Variants in KLHL13 observed in about 807,000 individuals in gnomAD.
KLHL13 encodes the protein kelch-like protein 13.
In KLHL13, 10 loss-of-function variants were observed where a neutral mutation model predicts 37.1. The ratio of observed to expected loss-of-function variants is 0.27; its 90% CI spans 0.17 to 0.46. The LOEUF (loss-of-function observed/expected upper bound fraction) is 0.46. Among genes scored for constraint, KLHL13 ranks in the 20% least tolerant of loss-of-function variants. The probability of loss-of-function intolerance (pLI) is 1.00; values close to 1 mark genes in which losing one functional copy is unlikely to be tolerated. For missense variants in KLHL13, 360 were observed against 509.3 expected (o/e 0.71, Z 2.82); for synonymous variants, 163 against 181.2 (o/e 0.90, Z 0.81).
intron 1 of KLHL13, among the ~76,000 whole-genome samples, chrX:118,086,463 A>T: frequency 9.0e-6 from 1 of 111,405 alleles, no homozygotes. Flanking sequence ...GAACATACTA[A>T]AAAAAAACAC....
At chrX:118,103,203 A>G (rs1475411787) in intron 1 of KLHL13, among the ~76,000 whole-genome samples, 1 of 111,843 alleles carries the variant, frequency 8.9e-6, no homozygotes, top group East Asian at 2.8e-4. Context: ...GCTTAGTGAT[A>G]AAGAGGAGCT....
At chrX:117,981,359 C>T (rs890578697) in intron 1 of KLHL13, among the ~76,000 whole-genome samples, 1 of 111,837 alleles carries the variant, frequency 8.9e-6, no homozygotes, top group Non-Finnish European at 1.9e-5. Flanking sequence ...CAAAGTAATT[C>T]CATTTTGAAT....
chrX:118,010,769 G>T (rs1271780776), intron 1 of KLHL13, among the ~76,000 whole-genome samples: 1 of 110,773 alleles, frequency 9.0e-6, no homozygotes, highest in Admixed American at 9.6e-5. Context: ...AATGCTAGGG[G>T]AGCCATTAGA....
At chrX:117,999,686 G>A (rs1847443832) in intron 1 of KLHL13, among the ~76,000 whole-genome samples, 1 of 109,138 alleles carries the variant, frequency 9.2e-6, no homozygotes, top group African/African-American at 3.4e-5. Flanking sequence ...AAAACTTAAA[G>A]TATAATTTAA....
At chrX:117,989,204 A>C (rs1264973252) in intron 1 of KLHL13, among the ~76,000 whole-genome samples, 2 of 111,012 alleles carry the variant, frequency 1.8e-5, no homozygotes, top group African/African-American at 3.3e-5. Flanking sequence ...AGTTTATTAT[A>C]CCTCTTTATT....
chrX:118,102,337 C>A (rs2055299331), intron 1 of KLHL13, among the ~76,000 whole-genome samples: 1 of 111,833 alleles, frequency 8.9e-6, no homozygotes, highest in Non-Finnish European at 1.9e-5. Flanking sequence ...CTTGTCCATG[C>A]AGTGAAGGGC....
At chrX:117,959,763 C>A (rs554935148) in intron 1 of KLHL13, among the ~76,000 whole-genome samples, 1 of 111,459 alleles carries the variant, frequency 9.0e-6, no homozygotes, top group African/African-American at 3.3e-5. Context: ...AAGGTCTTAT[C>A]TCATTGATCA....
intron 1 of KLHL13, among the ~76,000 whole-genome samples, chrX:118,096,598 T>TA (rs970283430): frequency 6.3e-5 from 7 of 111,711 alleles, no homozygotes; most frequent in Non-Finnish European, 1.1e-4. Flanking sequence ...ATCATCCTGA[T>TA]ACCAAAGCCT....
intron 1 of KLHL13, among the ~76,000 whole-genome samples, chrX:117,981,248 G>C (rs1054131436): frequency 8.9e-6 from 1 of 112,156 alleles, no homozygotes; most frequent in Non-Finnish European, 1.9e-5. Flanking sequence ...AATAATCACA[G>C]CTTGTTTTGG....
chrX:118,016,229 G>A (rs1020141600), intron 1 of KLHL13, among the ~76,000 whole-genome samples: 1 of 111,544 alleles, frequency 9.0e-6, no homozygotes, highest in African/African-American at 3.3e-5. Context: ...AAATAGTAAA[G>A]GCTAAATATT....
At chrX:118,007,450 G>A (rs189959776) in intron 1 of KLHL13, among the ~76,000 whole-genome samples, 2 of 107,910 alleles carry the variant, frequency 1.9e-5, no homozygotes, top group East Asian at 5.8e-4. Context: ...TTTGGACAAA[G>A]TTATATATTA....
rs187204339 is a variant in KLHL13, at chrX:117,910,457, G to T, written c.571-361C>A. 8.1e-3 allele frequency among the ~76,000 whole-genome samples: 830 copies of T among 102,187 alleles called. 5 individuals are homozygous for T. The highest frequency in any genetic ancestry group is 0.019 in the Middle Eastern group (4 of 212). 88.7% of individuals were successfully genotyped at this position (102,187 alleles called of 115,157 possible). A position where few individuals can be genotyped will look rare whatever the true frequency, so the allele number is the denominator to read the frequency against. ...AAATTCCTGCCAGATGGAAACTTGGGAAAATAGAAGGTTGTTCTATTATGA... is the reference window on the plus strand; with the variant it reads ...AAATTCCTGCCAGATGGAAACTTGGTAAAATAGAAGGTTGTTCTATTATGA... On this transcript the variant is annotated intron_variant, in intron 4 of 6. Transcript: ENST00000262820.
chrX:118,109,111 A>G (rs2055378953), intron 1 of KLHL13, among the ~76,000 whole-genome samples: 1 of 112,104 alleles, frequency 8.9e-6, no homozygotes, highest in South Asian at 3.7e-4. Context: ...CCACTGCGTC[A>G]GGCCTAATAA....
chrX:118,049,816 C>T lies in KLHL13; in HGVS notation c.-56+66692G>A, dbSNP rs144896532. Among the ~76,000 whole-genome samples the T allele has an allele frequency of 1.5e-3, 169 of 111,652 alleles. 2 individuals carry two copies. Among genetic ancestry groups the T allele is most frequent in the African/African-American group, 5.3e-3 (164 of 30,795 alleles). On this transcript the variant is annotated intron_variant, in intron 1 of 6. Transcript: ENST00000371882. ...CACAGCTACTTTTAGGTCTAAACTC[C>T]TACCAAAAAGACTGGATTCCCATGT...
chrX:118,076,877 T>G (rs2054934321), intron 1 of KLHL13, among the ~76,000 whole-genome samples: 1 of 108,322 alleles, frequency 9.2e-6, no homozygotes, highest in African/African-American at 3.4e-5. Context: ...ACCTCTCTCC[T>G]TTCTTCTCTT....
At chrX:117,939,353 G>T (rs1392911257) in intron 2 of KLHL13, among the ~76,000 whole-genome samples, 1 of 112,022 alleles carries the variant, frequency 8.9e-6, no homozygotes, top group Non-Finnish European at 1.9e-5. Flanking sequence ...TGGGCATTTG[G>T]GTTGGTTACA....
At chrX:118,038,525 A>G (rs946933418) in intron 1 of KLHL13, among the ~76,000 whole-genome samples, 1 of 111,176 alleles carries the variant, frequency 9.0e-6, no homozygotes, top group Non-Finnish European at 1.9e-5. Flanking sequence ...GGGACTTTCC[A>G]TTGGAACTCA....
At chrX:118,013,307 G>A (rs1602650142) in intron 1 of KLHL13, among the ~76,000 whole-genome samples, 2 of 111,758 alleles carry the variant, frequency 1.8e-5, no homozygotes, top group African/African-American at 6.5e-5. Flanking sequence ...TCAGAGGAGA[G>A]GATATTTAAG....
intron 1 of KLHL13, among the ~76,000 whole-genome samples, chrX:118,014,390 G>A (rs1293069644): frequency 9.0e-6 from 1 of 111,645 alleles, no homozygotes; most frequent in East Asian, 2.8e-4. Flanking sequence ...ACTAGGATTG[G>A]GAAATTCCAG....
Sources: allele counts gnomAD v4.1 joint callset (sites outside exome capture counted in the v4.1 genomes callset), GRCh38; gene constraint gnomAD v4.1.1; transcripts MANE v1.5; gene names NCBI Gene and HGNC (gene_info 2026-07-23, HGNC 2026-07-21).